Variants in NFYC observed in about 807,000 individuals in gnomAD.
NFYC encodes CAAT box DNA-binding protein subunit C.
A neutral mutation model predicts 53.1 loss-of-function variants in NFYC; 25 were observed. The observed-to-expected ratio is 0.47, with a 90% CI of 0.34 to 0.66. NFYC has a LOEUF of 0.66. Ranked by LOEUF, NFYC falls within the 30% of genes least tolerant of loss-of-function variation. NFYC has a pLI of 0.01. For missense variants in NFYC, 260 were observed against 422.7 expected (o/e 0.62, Z 3.38); for synonymous variants, 145 against 152.6 (o/e 0.95, Z 0.37).
At chr1:40,763,329 TCA>T in intron 7 of NFYC, 1 of 467,794 alleles carries the variant, frequency 2.1e-6, no homozygotes. Flanking sequence ...GAGATATATA[TCA>T]CACGCATGCA....
intron 1 of NFYC, among the ~76,000 whole-genome samples, chr1:40,703,048 C>T (rs768418574): frequency 2.0e-4 from 30 of 152,004 alleles, no homozygotes; most frequent in Non-Finnish European, 3.7e-4. Context: ...AACTCCTGAC[C>T]TCAGGTGATC....
chr1:40,769,633 A>G (rs1225500566), intron 9 of NFYC, among the ~76,000 whole-genome samples: 2 of 152,230 alleles, frequency 1.3e-5, no homozygotes, highest in Non-Finnish European at 1.5e-5. Context: ...TGTAGCCCAA[A>G]TTGCCATTTT....
At chr1:40,758,323 A>T (rs1365453617) in intron 6 of NFYC, 29 bp downstream of exon 6, 1 of 1,583,266 alleles carries the variant, frequency 6.3e-7, no homozygotes, top group Non-Finnish European at 8.6e-7. Context: ...ATGCCCATCC[A>T]GCAAGACAGT....
In NFYC at chr1:40,763,057, C is replaced by T. The variant is rs771055386; in HGVS notation, c.720+11C>T. On this transcript the variant is annotated intron_variant, in intron 7 of 9. Coordinates refer to ENST00000447388, the MANE Select transcript of NFYC (RefSeq NM_014223.5). ...ATCCAGCAGATCCCGGTGAGTCCTG[C>T]CCTGAGGTCTGTCTTTACAACTTTA... The T allele has an allele frequency of 6.4e-7, 1 of 1,571,590 alleles. No homozygotes were observed. The highest frequency in any genetic ancestry group is 1.2e-5 in the South Asian group (1 of 85,450).
chr1:40,714,487 T>C (rs893695079), intron 1 of NFYC, among the ~76,000 whole-genome samples: 1 of 152,238 alleles, frequency 6.6e-6, no homozygotes, highest in Non-Finnish European at 1.5e-5. Flanking sequence ...TTATAGTCCA[T>C]TGAAAGAATG....
intron 4 of NFYC, among the ~76,000 whole-genome samples, 156 bp from the exon 5 acceptor site, chr1:40,752,995 A>C (rs1645999808): frequency 1.3e-5 from 2 of 152,026 alleles, no homozygotes; most frequent in African/African-American, 4.8e-5. Context: ...TGATCATTTA[A>C]AGTATATGAG....
intron 1 of NFYC, among the ~76,000 whole-genome samples, chr1:40,703,689 A>G (rs953987703): frequency 6.6e-6 from 1 of 152,180 alleles, no homozygotes; most frequent in Non-Finnish European, 1.5e-5. Flanking sequence ...ATATATGTAG[A>G]TAAAAATAAA....
intron 1 of NFYC, among the ~76,000 whole-genome samples, chr1:40,700,189 A>C (rs1008204): frequency 0.65 from 99,351 of 152,106 alleles, 32,703 homozygotes; most frequent in African/African-American, 0.72. Flanking sequence ...GTGATTTCAA[A>C]GGTCATCTAA....
At chr1:40,695,509 C>T (rs1643080518) in intron 1 of NFYC, 1 of 152,324 alleles carries the variant, frequency 6.6e-6, no homozygotes, top group African/African-American at 2.4e-5. Flanking sequence ...CAACCTCTGT[C>T]TCCCGGGTTC....
At position 40,743,230 on chromosome 1, in the gene NFYC, G is replaced by A. The variant is rs373538705; in HGVS notation, c.105+4282G>A. ...ATCTTTCATTTTAGCTTGTTCTCAT[G>A]ATTCTTAAAAGCTCTGTAGTTGTCT... is the stretch of plus-strand genomic sequence containing the variant. On this transcript the variant is annotated intron_variant, in intron 2 of 9. Coordinates refer to ENST00000447388, the MANE Select transcript of NFYC (RefSeq NM_014223.5). Among the ~76,000 whole-genome samples the A allele has an allele frequency of 8.6e-4, 131 of 152,346 alleles. 1 individual carries two copies. The South Asian group carries it at 0.026, about 30-fold the overall frequency.
At chr1:40,750,610 C>G (rs1415351968) in intron 4 of NFYC, among the ~76,000 whole-genome samples, 1 of 152,052 alleles carries the variant, frequency 6.6e-6, no homozygotes, top group Admixed American at 6.6e-5. Flanking sequence ...GCAAAAAATA[C>G]TGAGCTCCAA....
Position 40,762,868 on chromosome 1 carries a change from C to G in NFYC, c.562-20C>G, listed in dbSNP as rs552315892. 5 of 1,560,426 alleles carry G rather than the reference C, an allele frequency of 3.2e-6. No homozygotes were observed. The highest frequency in any genetic ancestry group is 2.7e-5 in the African/African-American group (2 of 73,194). Reference sequence around the variant, plus strand: ...TCTGAGCCTGAACTCACGCAGCATTCTCATAACTCTTCCTTTCAGACCACA... The same window carrying G: ...TCTGAGCCTGAACTCACGCAGCATTGTCATAACTCTTCCTTTCAGACCACA... On this transcript the variant is annotated intron_variant, in intron 6 of 9. Transcript: ENST00000447388.
intron 1 of NFYC, among the ~76,000 whole-genome samples, chr1:40,718,361 A>G (rs558312552): frequency 1.3e-5 from 2 of 152,344 alleles, no homozygotes; most frequent in South Asian, 2.1e-4. Flanking sequence ...CTTTCTTACC[A>G]TATATGAAAA....
At chr1:40,705,820 C>T (rs958762009) in intron 1 of NFYC, among the ~76,000 whole-genome samples, 9 of 152,240 alleles carry the variant, frequency 5.9e-5, no homozygotes, top group Admixed American at 4.6e-4. Context: ...GATCACGGCT[C>T]ATTGCAGCCT....
At position 40,756,362 on chromosome 1, in the gene NFYC, T is replaced by C. The variant is rs1646220667; in HGVS notation, c.388-1759T>C. 2.0e-5 allele frequency among the ~76,000 whole-genome samples: 3 copies of C among 152,322 alleles called. No individual in the cohort carries two copies. The South Asian group carries it at 6.2e-4, about 32-fold the overall frequency. On this transcript the variant is annotated intron_variant, in intron 5 of 9. Coordinates refer to ENST00000447388, the MANE Select transcript of NFYC (RefSeq NM_014223.5). ...TCCTTTTCCTTCTGCCTTAGCATAA[T>C]CATATTGAGGGTTAAAACTATTTGT...
At chr1:40,711,850 T>A (rs1005340023) in intron 1 of NFYC, among the ~76,000 whole-genome samples, 4 of 152,228 alleles carry the variant, frequency 2.6e-5, no homozygotes, top group African/African-American at 9.6e-5. Flanking sequence ...TTTACTCTGA[T>A]CACAGTATTT....
chr1:40,765,930 G>A (rs541289636), intron 7 of NFYC, among the ~76,000 whole-genome samples: 100 of 152,294 alleles, frequency 6.6e-4, no homozygotes, highest in Non-Finnish European at 1.2e-3. Context: ...GGGCGCTTTC[G>A]TAGCTTTGGT....
intron 1 of NFYC, among the ~76,000 whole-genome samples, chr1:40,716,732 T>C (rs1644149367): frequency 6.6e-6 from 1 of 152,146 alleles, no homozygotes; most frequent in South Asian, 2.1e-4. Context: ...CTAATGAACA[T>C]TGGCTATCAT....
chr1:40,715,462 C>T (rs1288889955), intron 1 of NFYC, among the ~76,000 whole-genome samples: 12 of 151,212 alleles, frequency 7.9e-5, no homozygotes, highest in Non-Finnish European at 1.0e-4. Context: ...TGGCTGGTCT[C>T]GAACTCCTGG....
Sources: gnomAD v4.1 joint callset for allele counts (sites outside exome capture counted in the v4.1 genomes callset) on GRCh38, gnomAD v4.1.1 for gene constraint, MANE v1.5 for transcripts, NCBI Gene and HGNC (gene_info 2026-07-23, HGNC 2026-07-21) for gene names.